The following SEC24A variants were observed in gnomAD, a reference collection of about 807,000 sequenced individuals.
The protein encoded by SEC24A is SEC24 homolog A, COPII component.
Under a neutral mutation model 129.4 loss-of-function variants are expected in SEC24A, and 93 were observed. The ratio of observed to expected loss-of-function variants is 0.72; its 90% confidence interval spans 0.61 to 0.85. SEC24A has a LOEUF of 0.85. SEC24A is among the 40% of genes least tolerant of loss of function. SEC24A has a pLI of 0.00. For missense variants in SEC24A, 1,264 were observed against 1,307.4 expected, an observed-to-expected ratio of 0.97 and a Z score of 0.51; for synonymous variants, 460 against 467.3, an observed-to-expected ratio of 0.98 and a Z score of 0.20.
At position 134,663,052 on chromosome 5, in the gene SEC24A, A is replaced by G. The variant is rs907228950; in HGVS notation, c.565+1466A>G. 4.6e-5 allele frequency among the ~76,000 whole-genome samples: 7 copies of G among 152,108 alleles called. No homozygotes were observed. The East Asian group carries it at 1.3e-3, about 29-fold the overall frequency. ...TTATCTATATTATTTTCCAGGCTCT[A>G]TCAAACTTTGATATCATTATCTGTT... On this transcript the variant is annotated intron_variant, in intron 2 of 22. Coordinates refer to ENST00000398844, the MANE Select transcript of SEC24A (RefSeq NM_021982.3).
At chr5:134,705,582 T>TA in intron 17 of SEC24A, 145 bp downstream of exon 17, 1 of 541,450 alleles carries the variant, frequency 1.8e-6, no homozygotes, top group Non-Finnish European at 3.3e-6. Flanking sequence ...TTTGAAAAGA[T>TA]CTGCTGCAGA....
rs1042835081 is a variant in SEC24A at position 134,665,220 on chromosome 5, G to A, written c.566-1603G>A. On this transcript the variant is annotated intron_variant, in intron 2 of 22. Coordinates refer to ENST00000398844, the MANE Select transcript of SEC24A (RefSeq NM_021982.3). The stretch of plus-strand genomic sequence containing the variant: ...TTCCAGCACTTTGAGAGGCCGAGGC[G>A]GGTGGATTACGAGGTCAGGAGTTTG... Among the ~76,000 whole-genome samples, 9 of 151,720 alleles carry A rather than the reference G, an allele frequency of 5.9e-5. No individual in the cohort carries two copies. In the East Asian group the frequency reaches 1.0e-3, roughly 17 times the overall value.
chr5:134,671,543 G>A (rs1750862473), intron 3 of SEC24A, among the ~76,000 whole-genome samples: 1 of 152,078 alleles, frequency 6.6e-6, no homozygotes, highest in South Asian at 2.1e-4. Flanking sequence ...AAAAAGCCTT[G>A]TTATTTGGGC....
At position 134,705,086 on chromosome 5, in the gene SEC24A, ATATATT is replaced by A. The variant is rs1462671388; in HGVS notation, c.2441-239_2441-234del. ...TATTTATATTTATATATATATATAT[ATATATT>A]TTTTTTTTTTTAATTAATTTATTTT... On this transcript the variant is annotated intron_variant, in intron 16 of 22. Coordinates refer to ENST00000398844, the MANE Select transcript of SEC24A (RefSeq NM_021982.3). Among the ~76,000 whole-genome samples the A allele has an allele frequency of 1.6e-3, 213 of 129,598 alleles. 1 individual carries two copies. The highest frequency in any genetic ancestry group is 6.0e-3 in the African/African-American group (198 of 32,736). 85.0% of individuals were successfully genotyped at this position (129,598 alleles called of 152,430 possible).
chr5:134,715,067 T>C lies in SEC24A; in HGVS notation c.2771T>C (p.Ile924Thr). The C allele has an allele frequency of 3.1e-6, 5 of 1,613,188 alleles. No homozygotes were observed. The South Asian group carries it at 5.5e-5, about 18-fold the overall frequency. ...TGTNARLDERIFAMCQVKNQP... is the reference protein window; with the variant it reads ...TGTNARLDERTFAMCQVKNQP... ...ACAAATGCACGTCTAGATGAACGCATTTTTGCTATGTGTCAAGTGAAAAAC... is the reference window on the plus strand; with the variant it reads ...ACAAATGCACGTCTAGATGAACGCACTTTTGCTATGTGTCAAGTGAAAAAC... Residue 924 changes from isoleucine to threonine, a missense_variant, in exon 19 of 23, where the codon ATT becomes ACT. Coordinates refer to ENST00000398844, the MANE Select transcript of SEC24A (RefSeq NM_021982.3).
intron 21 of SEC24A, among the ~76,000 whole-genome samples, chr5:134,722,886 GC>G (rs1752663815): frequency 6.6e-6 from 1 of 152,138 alleles, no homozygotes; most frequent in African/African-American, 2.4e-5. Flanking sequence ...AGGCATGGTG[GC>G]TCACACCTGT....
At chr5:134,662,153 T>A (rs1750489601) in intron 2 of SEC24A, among the ~76,000 whole-genome samples, 1 of 151,508 alleles carries the variant, frequency 6.6e-6, no homozygotes, top group Non-Finnish European at 1.5e-5. Flanking sequence ...TTTATTTATT[T>A]ATTATTTATT....
Position 134,721,081 on chromosome 5 carries a change from A to G in SEC24A, c.3054A>G (p.Pro1018=), listed in dbSNP as rs1752615080. ...VLGVQNYASI[P]QPMTDLPELD... ...GAGTTCAAAACTATGCATCAATTCC[A>G]CAGCCTATGGTAAGACTCTTTTATT... Residue 1018 remains proline, a synonymous_variant, in exon 21 of 23, where the codon CCA becomes CCG. Transcript: ENST00000398844. The G allele has an allele frequency of 1.9e-6, 3 of 1,600,186 alleles. No homozygotes were observed. The African/African-American group carries it at 4.0e-5, about 21-fold the overall frequency.
At position 134,715,428 on chromosome 5, in the gene SEC24A, A is replaced by C. The variant is rs1752447849; in HGVS notation, c.2865+267A>C. ...ATTGACCAGAGCAACTTACTAATTT[A>C]TTCAAACAAATCGATCTTTTAACAA... On this transcript the variant is annotated intron_variant, in intron 19 of 22. Coordinates refer to ENST00000398844, the MANE Select transcript of SEC24A (RefSeq NM_021982.3). The C allele has an allele frequency of 1.6e-5, 5 of 310,922 alleles. No homozygotes were observed. The East Asian group carries it at 3.4e-4, about 21-fold the overall frequency. 19.3% of individuals were successfully genotyped at this position (310,922 alleles called of 1,614,324 possible).
rs1453114690 is a variant in SEC24A at position 134,697,133 on chromosome 5, A to T, written c.1994A>T (p.His665Leu). 1.3e-6 allele frequency: 2 copies of T among 1,516,172 alleles called. No homozygotes were observed. The highest frequency in any genetic ancestry group is 1.8e-6 in the Non-Finnish European group (2 of 1,099,626). The allele number at this position is 1,516,172 out of a possible 1,614,324, so 93.9% of individuals were successfully genotyped here. The change falls in exon 14 of 23, where the codon CAC (histidine) becomes CTC (leucine). Residue 665 changes from histidine to leucine, a missense_variant. Coordinates refer to ENST00000398844, the MANE Select transcript of SEC24A (RefSeq NM_021982.3). Reference protein sequence around the residue: ...PNHRSSAKDIHMTPSTDFYKK... With the variant: ...PNHRSSAKDILMTPSTDFYKK... ...ATAATTTATTATAAATAGGATATACACATGACACCATCCACTGACTTCTAT... is the reference window on the plus strand; with the variant it reads ...ATAATTTATTATAAATAGGATATACTCATGACACCATCCACTGACTTCTAT...
In SEC24A at chr5:134,665,322, C is replaced by T. The variant is rs886517466; in HGVS notation, c.566-1501C>T. On this transcript the variant is annotated intron_variant, in intron 2 of 22. Coordinates refer to ENST00000398844, the MANE Select transcript of SEC24A (RefSeq NM_021982.3). ...TACAAAAATTAGCCGGGCGTGGTGG[C>T]GCGCACTTGTGGACCCAGCTGCTGC... Among the ~76,000 whole-genome samples, 21 of 150,718 alleles carry T rather than the reference C, an allele frequency of 1.4e-4. 1 individual carries two copies. Among genetic ancestry groups the T allele is most frequent in the Admixed American group, 5.3e-4 (8 of 15,040 alleles).
At chr5:134,677,373 G>A (rs1751101491) in intron 7 of SEC24A, among the ~76,000 whole-genome samples, 1 of 151,862 alleles carries the variant, frequency 6.6e-6, no homozygotes, top group Non-Finnish European at 1.5e-5. Context: ...AAGCTCTGTG[G>A]CCACATACTC....
chr5:134,656,832 A>G (rs892365752), intron 1 of SEC24A, among the ~76,000 whole-genome samples: 2 of 149,212 alleles, frequency 1.3e-5, no homozygotes, highest in African/African-American at 5.0e-5. Context: ...CCCTGGCCGG[A>G]ATGCAATGAT....
At position 134,708,901 on chromosome 5, in the gene SEC24A, G is replaced by A; in HGVS notation, c.2727+13G>A. 6.2e-7 allele frequency: 1 copy of A among 1,610,060 alleles called. No individual in the cohort carries two copies. The highest frequency in any genetic ancestry group is 1.3e-5 in the African/African-American group (1 of 74,668). On this transcript the variant is annotated intron_variant, in intron 18 of 22. Transcript: ENST00000398844. ...TCTCCTTAAACAGGTAAGAAAAACA[G>A]ATATAGAAACTAACACAATGATGGC...
chr5:134,711,196 G>T (rs1752316078), intron 18 of SEC24A, among the ~76,000 whole-genome samples: 1 of 151,766 alleles, frequency 6.6e-6, no homozygotes. Context: ...AGATGCCATG[G>T]TTCACACCTA....
intron 11 of SEC24A, among the ~76,000 whole-genome samples, chr5:134,690,612 G>C (rs554292466): frequency 1.3e-5 from 2 of 152,122 alleles, no homozygotes. Context: ...ACCACACCTG[G>C]CCAGGCCTTA....
chr5:134,648,921 G>A lies in SEC24A; in HGVS notation c.-156G>A, dbSNP rs1015568934. 1.8e-6 allele frequency: 1 copy of A among 563,434 alleles called. No homozygotes were observed. 34.9% of individuals were successfully genotyped at this position (563,434 alleles called of 1,614,324 possible). On this transcript the variant is annotated 5_prime_UTR_variant, in exon 1 of 23. Coordinates refer to ENST00000398844, the MANE Select transcript of SEC24A (RefSeq NM_021982.3). ...TGGCCGCCGGTGGCCTGGGGAGAGTGCGGCGCCATGCCTCGGGCTTAATGC... is the reference window on the plus strand; with the variant it reads ...TGGCCGCCGGTGGCCTGGGGAGAGTACGGCGCCATGCCTCGGGCTTAATGC...
chr5:134,651,990 T>A (rs904717360), intron 1 of SEC24A, among the ~76,000 whole-genome samples: 2 of 149,898 alleles, frequency 1.3e-5, no homozygotes, highest in Non-Finnish European at 3.0e-5. Flanking sequence ...TAGAGTGCAA[T>A]GGCTCATTGC....
At chr5:134,700,582 A>T (rs1422596128) in intron 15 of SEC24A, among the ~76,000 whole-genome samples, 1 of 151,892 alleles carries the variant, frequency 6.6e-6, no homozygotes, top group Non-Finnish European at 1.5e-5. Context: ...AAAAAAGATA[A>T]AGATCCACTA....
Sources: gnomAD v4.1 joint callset for allele counts (sites outside exome capture counted in the v4.1 genomes callset) on GRCh38, gnomAD v4.1.1 for gene constraint, MANE v1.5 for transcripts, NCBI Gene and HGNC (gene_info 2026-07-23, HGNC 2026-07-21) for gene names.